The following MAP3K4 variants were observed in gnomAD, a reference collection of about 807,000 sequenced individuals.
MAP3K4 encodes mitogen-activated protein kinase kinase kinase 4, also known as MAP three kinase 1.
Under a neutral mutation model 185.6 loss-of-function variants are expected in MAP3K4, and 67 were observed. The ratio of observed to expected loss-of-function variants is 0.36; its 90% CI spans 0.30 to 0.44. MAP3K4 has a LOEUF of 0.44. MAP3K4 is among the 20% of genes least tolerant of loss of function. MAP3K4 has a pLI of 1.00. For missense variants in MAP3K4, 1,551 were observed against 1,995.1 expected, an observed-to-expected ratio of 0.78 and a Z score of 4.24; for synonymous variants, 702 against 710.4, an observed-to-expected ratio of 0.99 and a Z score of 0.19.
chr6:161,066,958 A>C (rs1460776779), intron 3 of MAP3K4, among the ~76,000 whole-genome samples: 1 of 152,250 alleles, frequency 6.6e-6, no homozygotes. Flanking sequence ...AGAGCTTTAT[A>C]TAAACATTGT....
At position 161,070,030 on chromosome 6, in the gene MAP3K4, A is replaced by G. The variant is rs1490928022; in HGVS notation, c.1708-578A>G. Among the ~76,000 whole-genome samples the G allele has an allele frequency of 6.6e-6, 1 of 152,150 alleles. No individual in the cohort carries two copies. The highest frequency in any genetic ancestry group is 2.4e-5 in the African/African-American group (1 of 41,428). ...TAGGGTTCCCGGGAAGCATCACAAA[A>G]CGGATAACTGAGTCATGCCAACCAG... On this transcript the variant is annotated intron_variant, in intron 3 of 26. Coordinates refer to ENST00000392142, the MANE Select transcript of MAP3K4 (RefSeq NM_005922.4). This position sits in a 1 kb window ranked among gnomAD's most constrained non-coding sequence, Gnocchi z 4.5.
At chr6:161,039,868 G>A (rs1249313771) in intron 2 of MAP3K4, among the ~76,000 whole-genome samples, 3 of 152,158 alleles carry the variant, frequency 2.0e-5, no homozygotes, top group African/African-American at 7.2e-5. Flanking sequence ...TTTAAAGTAA[G>A]GTATTGTTTG....
Position 161,080,837 on chromosome 6 carries a change from A to T in MAP3K4, c.2098-44A>T. 4 of 1,590,528 alleles carry T rather than the reference A, an allele frequency of 2.5e-6. No individual in the cohort carries two copies. The highest frequency in any genetic ancestry group is 3.4e-6 in the Non-Finnish European group (4 of 1,163,404). On this transcript the variant is annotated intron_variant, in intron 5 of 26. Coordinates refer to ENST00000392142, the MANE Select transcript of MAP3K4 (RefSeq NM_005922.4). The surrounding 1 kb of genome is among the most constrained non-coding windows in gnomAD (Gnocchi z 4.8). ...TTTCAGGTGAGAGCGCTGAGTTGCC[A>T]AGTTCTACTTTCAAATGTCTCCCTT...
Position 161,049,687 on chromosome 6 carries a change from C to T in MAP3K4, c.1415C>T (p.Pro472Leu), listed in dbSNP as rs747572106. ...GAACAAATCTCTGATCCTAGGGTAC[C>T]GGAAATCAGACAGCCCATAGATAAC... is the stretch of plus-strand genomic sequence containing the variant. ...EEEQISDPRVPEIRQPIDNSF... is the reference protein window; with the variant it reads ...EEEQISDPRVLEIRQPIDNSF... The change falls in exon 3 of 27, where the codon CCG (proline) becomes CTG (leucine). Residue 472 changes from proline (P) to leucine (L), a missense_variant. Around this residue, in one of 16 missense-constraint regions of MAP3K4, gnomAD observed 126 missense variants for 112.8 expected, o/e 1.12. Transcript: ENST00000392142. This position sits in a 1 kb window ranked among gnomAD's most constrained non-coding sequence, Gnocchi z 8.4. The T allele has an allele frequency of 2.4e-5, 39 of 1,613,908 alleles. No individual in the cohort carries two copies. Among genetic ancestry groups the T allele is most frequent in the East Asian group, 6.7e-5 (3 of 44,874 alleles).
At position 161,106,519 on chromosome 6, in the gene MAP3K4, G is replaced by C. The variant is rs375336046; in HGVS notation, c.3862G>C (p.Ala1288Pro). Residue 1288 changes from alanine to proline, a missense_variant, in exon 20 of 27, where the codon GCT becomes CCT. By Grantham distance (27) the Ala-to-Pro change is conservative. This residue lies in a region of MAP3K4 where 272 missense variants were observed against 301.2 expected (regional missense o/e 0.90). Transcript: ENST00000392142. The surrounding 1 kb of genome is among the most constrained non-coding windows in gnomAD (Gnocchi z 4.9). ...GGTTTTGGTTCTCTCTGCAGATACT[G>C]CTTCTAAACTAGGACCCATAGAAGC... ...RTLISQSKDT[A>P]SKLGPIEAIQ... The C allele has an allele frequency of 7.5e-6, 12 of 1,606,418 alleles. No homozygotes were observed. Among genetic ancestry groups the C allele is most frequent in the Non-Finnish European group, 1.0e-5 (12 of 1,176,846 alleles).
rs1487549825 is a variant in MAP3K4, at chr6:160,991,979, C to T, written c.48C>T (p.Val16=). The stretch of plus-strand genomic sequence containing the variant: ...TGGTCCCTCCTCCCGCCTTTGCCGT[C>T]ACGCCTGCCGCCGCCATGGAGGAGC... ...AALVPPPAFA[V]TPAAAMEEPP... is the part of the protein sequence containing the mutation. The change falls in exon 1 of 27, where the codon GTC becomes GTT. Residue 16 remains valine (V), a synonymous_variant. Transcript: ENST00000392142. The surrounding 1 kb of genome is among the most constrained non-coding windows in gnomAD (Gnocchi z 5.7). 1.3e-6 allele frequency: 2 copies of T among 1,546,574 alleles called. No homozygotes were observed. The highest frequency in any genetic ancestry group is 5.0e-5 in the East Asian group (2 of 40,394).
At chr6:161,012,624 A>T (rs760579243) in intron 1 of MAP3K4, among the ~76,000 whole-genome samples, 1 of 152,228 alleles carries the variant, frequency 6.6e-6, no homozygotes, top group Non-Finnish European at 1.5e-5. Context: ...GTGAGCCTTT[A>T]AGAGACGTAT....
intron 4 of MAP3K4, among the ~76,000 whole-genome samples, chr6:161,072,806 C>T (rs1562521275): frequency 6.6e-6 from 1 of 152,172 alleles, no homozygotes; most frequent in Non-Finnish European, 1.5e-5. Flanking sequence ...ATGGGGAGGG[C>T]TTTCCAGATT....
chr6:161,034,416 G>A lies in MAP3K4; in HGVS notation c.310G>A (p.Val104Met), dbSNP rs371051658. The A allele has an allele frequency of 6.2e-7, 1 of 1,613,918 alleles. No individual in the cohort carries two copies. ...RMSTKHQRNN[V>M]GRPASRSNLK... ...GTCAACCAAACATCAGAGGAATAATGTGGGGAGGCCAGCCAGTCGGTCTAA... is the reference window on the plus strand; with the variant it reads ...GTCAACCAAACATCAGAGGAATAATATGGGGAGGCCAGCCAGTCGGTCTAA... Residue 104 changes from valine to methionine, a missense_variant, in exon 2 of 27, where the codon GTG becomes ATG. Physicochemically the swap from Val to Met is conservative, Grantham distance 21 (BLOSUM62 1). Around this residue, in one of 16 missense-constraint regions of MAP3K4, gnomAD observed 287 missense variants for 268.8 expected, o/e 1.07. Transcript: ENST00000392142. The surrounding 1 kb of genome is among the most constrained non-coding windows in gnomAD (Gnocchi z 4.4).
In MAP3K4 at chr6:161,091,235, A is replaced by G. The variant is rs571079559; in HGVS notation, c.2974-144A>G. ...CAAATAAAATGACATAATTTCTTCT[A>G]TATTTGGTAATTCCTTTACCAAGTG... On this transcript the variant is annotated intron_variant, in intron 11 of 26. Transcript: ENST00000392142. The surrounding 1 kb of genome is among the most constrained non-coding windows in gnomAD (Gnocchi z 5.5). The G allele has an allele frequency of 2.1e-5, 12 of 567,620 alleles. No homozygotes were observed. The highest frequency in any genetic ancestry group is 1.5e-4 in the East Asian group (5 of 33,814). 35.2% of individuals were successfully genotyped at this position (567,620 alleles called of 1,614,324 possible). A position where few individuals can be genotyped will look rare whatever the true frequency, so the allele number is the denominator to read the frequency against.
At chr6:160,992,722 CTT>C (rs1249608860) in intron 1 of MAP3K4, among the ~76,000 whole-genome samples, 3 of 152,286 alleles carry the variant, frequency 2.0e-5, no homozygotes, top group South Asian at 2.1e-4. Context: ...TTGTCTAAAA[CTT>C]TGCTACTGCA....
chr6:161,062,171 C>G (rs916022045), intron 3 of MAP3K4, among the ~76,000 whole-genome samples: 4 of 152,074 alleles, frequency 2.6e-5, no homozygotes, highest in African/African-American at 4.8e-5. Flanking sequence ...TTTTAATCTG[C>G]TTGTTCCCAA....
rs1554287299 is a variant in MAP3K4 at position 161,107,050 on chromosome 6, G to GCGCACACACA, written c.4048+346_4048+347insGCACACACAC. 8.7e-4 allele frequency among the ~76,000 whole-genome samples: 92 copies of GCGCACACACA among 105,252 alleles called. 1 individual carries two copies. The highest frequency in any genetic ancestry group is 2.8e-3 in the African/African-American group (83 of 29,876). The allele number at this position is 105,252 out of a possible 152,430, so 69.0% of individuals were successfully genotyped here. A position where few individuals can be genotyped will look rare whatever the true frequency, so the allele number is the denominator to read the frequency against. On this transcript the variant is annotated intron_variant, in intron 20 of 26. Transcript: ENST00000392142. The surrounding 1 kb of genome is among the most constrained non-coding windows in gnomAD (Gnocchi z 6.2). ...TCTCTCTCTCTCTACACACGCGCGC[G>GCGCACACACA]CACACACACACACACACACACACAC...
rs955823890 is a variant in MAP3K4 at position 161,075,109 on chromosome 6, T to C, written c.2097+1497T>C. On this transcript the variant is annotated intron_variant, in intron 5 of 26. Transcript: ENST00000392142. This position sits in a 1 kb window ranked among gnomAD's most constrained non-coding sequence, Gnocchi z 4.3. ...TTAATGAGTTAGAAGTTATTCTCTA[T>C]ATAAAAGACCTGAGTGTGTAAAATG... is the stretch of plus-strand genomic sequence containing the variant. 2.0e-5 allele frequency among the ~76,000 whole-genome samples: 3 copies of C among 152,238 alleles called. No homozygotes were observed. Among genetic ancestry groups the C allele is most frequent in the Non-Finnish European group, 4.4e-5 (3 of 68,034 alleles).
chr6:161,032,132 T>G (rs1332405775), intron 1 of MAP3K4, among the ~76,000 whole-genome samples: 1 of 152,244 alleles, frequency 6.6e-6, no homozygotes, highest in Non-Finnish European at 1.5e-5. Flanking sequence ...ATATAGTCTT[T>G]TCTTAGTGTT....
Position 161,096,862 on chromosome 6 carries a change from A to C in MAP3K4, c.3428-218A>C, listed in dbSNP as rs1777595991. ...GATTTTTAAAAATGTTTTTTGATGG[A>C]GAAAACTGTTAATATATAATAGGGC... On this transcript the variant is annotated intron_variant, in intron 15 of 26. Transcript: ENST00000392142. This position sits in a 1 kb window ranked among gnomAD's most constrained non-coding sequence, Gnocchi z 4.9. 1 of 440,512 alleles carries C rather than the reference A, an allele frequency of 2.3e-6. No individual in the cohort carries two copies. Among genetic ancestry groups the C allele is most frequent in the Admixed American group, 3.6e-5 (1 of 27,504 alleles). 27.3% of individuals were successfully genotyped at this position (440,512 alleles called of 1,614,324 possible).
At chr6:161,030,861 A>T (rs1161804717) in intron 1 of MAP3K4, among the ~76,000 whole-genome samples, 1 of 152,232 alleles carries the variant, frequency 6.6e-6, no homozygotes, top group Non-Finnish European at 1.5e-5. Flanking sequence ...GTAAACCAGT[A>T]TCTTTTCCAA....
At chr6:161,026,628 T>G (rs939986946) in intron 1 of MAP3K4, among the ~76,000 whole-genome samples, 6 of 152,058 alleles carry the variant, frequency 3.9e-5, no homozygotes, top group African/African-American at 1.4e-4. Context: ...TTTTAAGTAC[T>G]CAAGTATTTG....
chr6:161,013,420 A>G (rs998619770), intron 1 of MAP3K4, among the ~76,000 whole-genome samples: 1 of 152,198 alleles, frequency 6.6e-6, no homozygotes, highest in African/African-American at 2.4e-5. Flanking sequence ...TATATAGAAG[A>G]CTTAAGCATT....
Sources: gnomAD v4.1 joint callset for allele counts (sites outside exome capture counted in the v4.1 genomes callset) on GRCh38, gnomAD v4.1.1 for gene constraint, gnomAD v4.1.1 regional missense constraint, Gnocchi (gnomAD v3.1) non-coding constraint, MANE v1.5 for transcripts, NCBI Gene and HGNC (gene_info 2026-07-23, HGNC 2026-07-21) for gene names.